CEP70: variants seen among roughly 807,000 people sequenced by gnomAD.
CEP70 encodes centrosomal protein of 70 kDa.
CEP70 carries 70 observed loss-of-function variants against 90.9 expected under a neutral mutation model. The observed-to-expected ratio is 0.77, with a 90% CI of 0.64 to 0.94. The LOEUF (loss-of-function observed/expected upper bound fraction) is 0.94. Among genes scored for constraint, CEP70 ranks in the 40% least tolerant of loss-of-function variants. The probability of loss-of-function intolerance (pLI) is 0.00; values close to 1 mark genes in which losing one functional copy is unlikely to be tolerated. For synonymous variants in CEP70, 220 were observed against 228.3 expected (o/e 0.96, Z 0.33); for missense variants, 648 against 669.0 (o/e 0.97, Z 0.35).
intron 6 of CEP70, among the ~76,000 whole-genome samples, chr3:138,567,261 G>A (rs1451422708): frequency 6.6e-6 from 1 of 152,084 alleles, no homozygotes; most frequent in African/African-American, 2.4e-5. Flanking sequence ...CAAACATGCA[G>A]CACTAAACCA....
intron 6 of CEP70, among the ~76,000 whole-genome samples, chr3:138,553,122 AG>A (rs2039737944): frequency 6.6e-6 from 1 of 152,128 alleles, no homozygotes; most frequent in African/African-American, 2.4e-5. Context: ...AGTTTAAATC[AG>A]GAAGAATTCG....
In CEP70 at chr3:138,525,595, C is replaced by T. The variant is rs1313647538; in HGVS notation, c.870-31G>A. On this transcript the variant is annotated intron_variant, in intron 10 of 17. Transcript: ENST00000264982. The stretch of plus-strand genomic sequence containing the variant: ...GAAAATAAATAATGATAAATTAATT[C>T]AATTTACTGAATAAAAGCATAAAGG... 7 of 1,030,620 alleles carry T rather than the reference C, an allele frequency of 6.8e-6. No homozygotes were observed. The African/African-American group carries it at 1.0e-4, about 15-fold the overall frequency. 63.8% of individuals were successfully genotyped at this position (1,030,620 alleles called of 1,614,324 possible). A position where few individuals can be genotyped will look rare whatever the true frequency, so the allele number is the denominator to read the frequency against.
rs189797113 is a variant in CEP70 at position 138,530,226 on chromosome 3, T to G, written c.693-764A>C. ...AATACGGGTAATGCCACCAAGGAACTAAACTTTTAATTTCATTAAATCTTA... is the reference window on the plus strand; with the variant it reads ...AATACGGGTAATGCCACCAAGGAACGAAACTTTTAATTTCATTAAATCTTA... On this transcript the variant is annotated intron_variant, in intron 8 of 17. Transcript: ENST00000264982. Among the ~76,000 whole-genome samples, 428 of 152,318 alleles carry G rather than the reference T, an allele frequency of 2.8e-3. 4 individuals are homozygous for G. Among genetic ancestry groups the G allele is most frequent in the African/African-American group, 9.9e-3 (412 of 41,576 alleles).
At chr3:138,510,856 CTTTTTTTTTT>C (rs869032871) in intron 11 of CEP70, among the ~76,000 whole-genome samples, 161 of 107,028 alleles carry the variant, frequency 1.5e-3, no homozygotes, top group Non-Finnish European at 2.8e-3. Flanking sequence ...CTTTTTCCAT[CTTTTTTTTTT>C]TTTTTTTTTT....
rs114113410 is a variant in CEP70, at chr3:138,510,719, C to T, written c.945-2175G>A. ...AGGATTATTACGAGACTACAGTAGT[C>T]CCCCCTTGTCAGTGGGGGATACATT... On this transcript the variant is annotated intron_variant, in intron 11 of 17. Coordinates refer to ENST00000264982, the MANE Select transcript of CEP70 (RefSeq NM_024491.4). Among the ~76,000 whole-genome samples, 1,079 of 152,152 alleles carry T rather than the reference C, an allele frequency of 7.1e-3. 13 individuals are homozygous for T. The highest frequency in any genetic ancestry group is 0.025 in the African/African-American group (1,032 of 41,514).
intron 11 of CEP70, among the ~76,000 whole-genome samples, chr3:138,519,454 G>A (rs2036387744): frequency 6.6e-6 from 1 of 152,204 alleles, no homozygotes; most frequent in Non-Finnish European, 1.5e-5. Flanking sequence ...TACCTACAAA[G>A]GGAAGCCCAT....
chr3:138,592,423 T>C (rs180985529), intron 1 of CEP70, among the ~76,000 whole-genome samples: 1 of 152,244 alleles, frequency 6.6e-6, no homozygotes, highest in East Asian at 1.9e-4. Flanking sequence ...TTTTCCCCAC[T>C]ACAGGCTGTG....
intron 2 of CEP70, among the ~76,000 whole-genome samples, chr3:138,586,963 A>G (rs886472781): frequency 6.6e-6 from 1 of 152,138 alleles, no homozygotes; most frequent in African/African-American, 2.4e-5. Flanking sequence ...ACATCTGTGC[A>G]CCCATGAAAT....
intron 17 of CEP70, chr3:138,495,903 C>A (rs985135386): frequency 1.0e-6 from 1 of 985,218 alleles, no homozygotes; most frequent in African/African-American, 1.7e-5. Flanking sequence ...ATCGAGTGTA[C>A]AAACCTCAAG....
chr3:138,581,750 A>G (rs2108239003), intron 2 of CEP70, among the ~76,000 whole-genome samples: 1 of 151,536 alleles, frequency 6.6e-6, no homozygotes, highest in South Asian at 2.1e-4. Flanking sequence ...AAGAAAGTGT[A>G]TTCAGAGGGA....
intron 2 of CEP70, among the ~76,000 whole-genome samples, chr3:138,582,596 C>G (rs915719451): frequency 1.3e-5 from 2 of 150,972 alleles, no homozygotes; most frequent in Admixed American, 6.6e-5. Context: ...ATAGTGAAAC[C>G]CCATCTCTAC....
At chr3:138,496,524 A>G (rs1243707598) in intron 17 of CEP70, 1 of 985,282 alleles carries the variant, frequency 1.0e-6, no homozygotes, top group East Asian at 1.1e-4. Context: ...ATTAAGTGAG[A>G]AACCTGCCTT....
At chr3:138,497,802 TA>T in intron 17 of CEP70, 1 of 985,326 alleles carries the variant, frequency 1.0e-6, no homozygotes, top group South Asian at 4.7e-5. Context: ...TCTCTCATGA[TA>T]AGGTCCTCCA....
chr3:138,505,363 G>T lies in CEP70; in HGVS notation c.1153C>A (p.Gln385Lys). ...ACAAGATGCTCAAATCCACAATCTT[G>T]AACAAGATCTTTATTAAAATTTTGG... is the stretch of plus-strand genomic sequence containing the variant. ...GVQNFNKDLV[Q>K]DCGFEHLVPV... The change falls in exon 13 of 18, where the codon CAA becomes AAA. Residue 385 changes from glutamine (Q) to lysine (K), a missense_variant. Transcript: ENST00000264982. 1 of 1,612,456 alleles carries T rather than the reference G, an allele frequency of 6.2e-7. No individual in the cohort carries two copies. Among genetic ancestry groups the T allele is most frequent in the South Asian group, 1.1e-5 (1 of 90,884 alleles).
At chr3:138,521,510 G>T (rs1264274212) in intron 11 of CEP70, among the ~76,000 whole-genome samples, 3 of 151,598 alleles carry the variant, frequency 2.0e-5, no homozygotes, top group Non-Finnish European at 4.4e-5. Context: ...CATTGTCTGG[G>T]ATGTGGGGAG....
chr3:138,565,627 G>A (rs769755926), intron 6 of CEP70, among the ~76,000 whole-genome samples: 5 of 152,146 alleles, frequency 3.3e-5, no homozygotes, highest in African/African-American at 1.2e-4. Flanking sequence ...GGGAAAACTG[G>A]CTAGCCATAT....
chr3:138,495,775 C>A, intron 17 of CEP70: 1 of 584,458 alleles, frequency 1.7e-6, no homozygotes, highest in Non-Finnish European at 2.2e-6. Context: ...TTGCTTGAAC[C>A]CCAGAGGCAG....
In CEP70 at chr3:138,498,035, G is replaced by A. The variant is rs1249078104; in HGVS notation, c.1728C>T (p.Ile576=). 2.5e-6 allele frequency: 4 copies of A among 1,612,116 alleles called. No individual in the cohort carries two copies. In the African/African-American group the frequency reaches 5.3e-5, roughly 22 times the overall value. ...FQAFTNDLLE[I]LEIDDLDAIV... ...CATCACCACCAGAGATCTTACCTAA[G>A]ATTTCAAGTAGATCATTAGTAAATG... is the stretch of plus-strand genomic sequence containing the variant. The change falls in exon 17 of 18, where the codon ATC becomes ATT. Residue 576 remains isoleucine, a synonymous_variant. Coordinates refer to ENST00000264982, the MANE Select transcript of CEP70 (RefSeq NM_024491.4).
At chr3:138,563,761 G>A (rs377565777) in intron 6 of CEP70, among the ~76,000 whole-genome samples, 9 of 151,916 alleles carry the variant, frequency 5.9e-5, no homozygotes, top group African/African-American at 1.7e-4. Context: ...ATCTAAAATC[G>A]ACACCTAAAA....
Sources: allele counts gnomAD v4.1 joint callset (sites outside exome capture counted in the v4.1 genomes callset), GRCh38; gene constraint gnomAD v4.1.1; transcripts MANE v1.5; gene names NCBI Gene and HGNC (gene_info 2026-07-23, HGNC 2026-07-21).